Variants in IL36A observed in about 807,000 individuals in gnomAD.
IL36A encodes interleukin 36 alpha.
A neutral mutation model predicts 12.7 loss-of-function variants in IL36A; 13 were observed. The ratio of observed to expected loss-of-function variants is 1.02; its 90% CI spans 0.67 to 1.63. IL36A has a LOEUF of 1.63. IL36A is among the 40% of genes most tolerant of loss of function. IL36A has a pLI of 0.00. For synonymous variants in IL36A, 73 were observed against 71.9 expected, an observed-to-expected ratio of 1.01 and a Z score of -0.08; for missense variants, 195 against 192.9, an observed-to-expected ratio of 1.01 and a Z score of -0.07.
rs1684599819 is a variant in IL36A, at chr2:113,005,729, G to A, written c.-143G>A. 2.4e-6 allele frequency: 2 copies of A among 847,000 alleles called. No individual in the cohort carries two copies. The highest frequency in any genetic ancestry group is 2.0e-6 in the Non-Finnish European group (1 of 492,900). The allele number at this position is 847,000 out of a possible 1,614,324, so 52.5% of individuals were successfully genotyped here. ...AGTTCTGGGAGTATAGATTCTGACTGGGGTCACTGCTGGGCTGGCCGCCAG... is the reference window on the plus strand; with the variant it reads ...AGTTCTGGGAGTATAGATTCTGACTAGGGTCACTGCTGGGCTGGCCGCCAG... On this transcript the variant is annotated 5_prime_UTR_variant, in exon 1 of 4. Transcript: ENST00000259211.
At chr2:113,007,066 C>A (rs946660972) in intron 3 of IL36A, among the ~76,000 whole-genome samples, 1 of 151,976 alleles carries the variant, frequency 6.6e-6, no homozygotes, top group Non-Finnish European at 1.5e-5. Flanking sequence ...ATCTTTTTGG[C>A]AAAAAATACA....
At chr2:113,010,153 C>A (rs983971177), downstream of IL36A, among the ~76,000 whole-genome samples, 1 of 152,162 alleles carries the variant, frequency 6.6e-6, no homozygotes, top group Admixed American at 6.5e-5. Context: ...TTTTACTTGT[C>A]CCTAAGCTTT....
In IL36A at chr2:113,007,938, C is replaced by G. The variant is rs1684660840; in HGVS notation, c.371C>G (p.Pro124Arg). 1 of 1,614,094 alleles carries G rather than the reference C, an allele frequency of 6.2e-7. No homozygotes were observed. Among genetic ancestry groups the G allele is most frequent in the Non-Finnish European group, 8.5e-7 (1 of 1,180,034 alleles). ...TCCACCTTCGAGTCTGTGGCTTTCC[C>G]TGGCTGGTTCATCGCTGTCAGCTCT... ...RNSTFESVAF[P>R]GWFIAVSSEG... Residue 124 changes from proline (P) to arginine (R), a missense_variant, in exon 4 of 4, where the codon CCT (proline) becomes CGT (arginine). By Grantham distance (103) the Pro-to-Arg change is moderately radical (BLOSUM62 -2). Coordinates refer to ENST00000259211, the MANE Select transcript of IL36A (RefSeq NM_014440.3).
At chr2:113,009,160 T>G (rs1481594954), downstream of IL36A, among the ~76,000 whole-genome samples, 1 of 151,988 alleles carries the variant, frequency 6.6e-6, no homozygotes, top group Admixed American at 6.5e-5. Flanking sequence ...TCATCATTTT[T>G]TATGGCTGCT....
chr2:113,008,722 C>T (rs75207029), downstream of IL36A, among the ~76,000 whole-genome samples: 3,581 of 152,068 alleles, frequency 0.024, 155 homozygotes, highest in African/African-American at 0.082. Flanking sequence ...AACTGCGCCA[C>T]TCCTGGGCTT....
At chr2:113,006,137 T>G in intron 2 of IL36A, 50 bp downstream of exon 2, 1 of 1,172,730 alleles carries the variant, frequency 8.5e-7, no homozygotes, top group Non-Finnish European at 1.3e-6. Flanking sequence ...AGTGCTGTTG[T>G]GTGTTTGGTG....
chr2:113,008,688 T>C (rs1464166999), downstream of IL36A: 1 of 155,200 alleles, frequency 6.4e-6, no homozygotes, highest in Non-Finnish European at 1.5e-5. Context: ...AAATGTTCCA[T>C]CAGAAAGAGG....
At chr2:113,010,336 G>A (rs183493800), downstream of IL36A, among the ~76,000 whole-genome samples, 2 of 152,232 alleles carry the variant, frequency 1.3e-5, no homozygotes, top group African/African-American at 4.8e-5. Flanking sequence ...AGCACTCCCC[G>A]AGCTTTTCAT....
chr2:113,006,597 G>A lies in IL36A; in HGVS notation c.125-1G>A, dbSNP rs372873114. On this transcript the variant is annotated splice_acceptor_variant, in intron 2 of 3. Transcript: ENST00000259211. LOFTEE classifies it high-confidence loss of function. ...CACCACTTTTCACATCGTGTTCCCA[G>A]TCACTATTGCCTTAATCTCATGCCG... 6.2e-6 allele frequency: 10 copies of A among 1,613,826 alleles called. No homozygotes were observed. In the African/African-American group the frequency reaches 1.1e-4, roughly 17 times the overall value.
Position 113,005,492 on chromosome 2 carries a change from T to C in IL36A, c.-380T>C. Reference sequence around the variant, plus strand: ...CAAGTGCAGTAGAAGCCATTGTTCATAATGGTAGGGATACAGGGTCCTTCG... The same window carrying C: ...CAAGTGCAGTAGAAGCCATTGTTCACAATGGTAGGGATACAGGGTCCTTCG... On this transcript the variant is annotated 5_prime_UTR_variant, in exon 1 of 4. Coordinates refer to ENST00000259211, the MANE Select transcript of IL36A (RefSeq NM_014440.3). The C allele has an allele frequency of 3.2e-6, 1 of 308,152 alleles. No homozygotes were observed. 19.1% of individuals were successfully genotyped at this position (308,152 alleles called of 1,614,324 possible).
downstream of IL36A, among the ~76,000 whole-genome samples, chr2:113,010,033 TAA>T (rs145504100): frequency 5.0e-3 from 767 of 152,316 alleles, 3 homozygotes; most frequent in Middle Eastern, 0.014. Flanking sequence ...TATTTTGAAA[TAA>T]GTTTTCTTCT....
chr2:113,010,498 T>C (rs553580584), downstream of IL36A, among the ~76,000 whole-genome samples: 12 of 152,198 alleles, frequency 7.9e-5, no homozygotes, highest in African/African-American at 2.7e-4. Flanking sequence ...CTGAGATGTA[T>C]GGACCAGCTG....
At position 113,005,553 on chromosome 2, in the gene IL36A, T is replaced by G. The variant is rs1684596720; in HGVS notation, c.-319T>G. ...TCAGTGTGGCCTATGCTGGAAAGTC[T>G]GGTGACCTCTGATTTTTTTTGCTTC... is the stretch of plus-strand genomic sequence containing the variant. On this transcript the variant is annotated 5_prime_UTR_variant, in exon 1 of 4. Coordinates refer to ENST00000259211, the MANE Select transcript of IL36A (RefSeq NM_014440.3). The G allele has an allele frequency of 4.0e-6, 2 of 494,272 alleles. No individual in the cohort carries two copies. Among genetic ancestry groups the G allele is most frequent in the Admixed American group, 6.7e-5 (2 of 29,886 alleles). 30.6% of individuals were successfully genotyped at this position (494,272 alleles called of 1,614,324 possible).
chr2:113,008,818 A>T (rs13394409), downstream of IL36A, among the ~76,000 whole-genome samples: 115,318 of 148,872 alleles, frequency 0.77, 44,973 homozygotes, highest in East Asian at 0.99. Context: ...TTTTTTTTTT[A>T]AAAATTTTAT....
chr2:113,009,969 G>A (rs913455282), downstream of IL36A, among the ~76,000 whole-genome samples: 2 of 151,962 alleles, frequency 1.3e-5, no homozygotes, highest in Non-Finnish European at 2.9e-5. Context: ...CTCTTATTTT[G>A]AAGACTTCTT....
rs981555967 is a variant in IL36A, at chr2:113,005,792, C to T, written c.-80C>T. 6.6e-7 allele frequency: 1 copy of T among 1,514,822 alleles called. No homozygotes were observed. The highest frequency in any genetic ancestry group is 9.2e-7 in the Non-Finnish European group (1 of 1,089,706). The allele number at this position is 1,514,822 out of a possible 1,614,324, so 93.8% of individuals were successfully genotyped here. On this transcript the variant is annotated 5_prime_UTR_variant, in exon 1 of 4. Transcript: ENST00000259211. ...CCCAGGGTTAAACTGTGGCTTGGGA[C>T]TGACTCAGGTCCTCTCTTGGGGTCG...
intron 3 of IL36A, among the ~76,000 whole-genome samples, chr2:113,007,176 T>A (rs1451822811): frequency 2.0e-5 from 3 of 152,256 alleles, no homozygotes; most frequent in African/African-American, 7.2e-5. Flanking sequence ...GGCCTCTGTG[T>A]ACTACAGGAA....
At chr2:113,006,987 C>T (rs2105027360) in intron 3 of IL36A, among the ~76,000 whole-genome samples, 1 of 152,266 alleles carries the variant, frequency 6.6e-6, no homozygotes, top group South Asian at 2.1e-4. Flanking sequence ...ATAGAACACA[C>T]ACACAGAGTA....
Position 113,005,541 on chromosome 2 carries a change from T to C in IL36A, c.-331T>C. ...CGTAACAGATTATCAGTGTGGCCTA[T>C]GCTGGAAAGTCTGGTGACCTCTGAT... On this transcript the variant is annotated 5_prime_UTR_variant, in exon 1 of 4. The change abolishes an upstream ATG in the 5' untranslated region. Transcript: ENST00000259211. The C allele has an allele frequency of 2.1e-6, 1 of 468,912 alleles. No individual in the cohort carries two copies. The allele number at this position is 468,912 out of a possible 1,614,324, so 29.0% of individuals were successfully genotyped here. A position where few individuals can be genotyped will look rare whatever the true frequency, so the allele number is the denominator to read the frequency against.
Sources: gnomAD v4.1 joint callset for allele counts (sites outside exome capture counted in the v4.1 genomes callset) on GRCh38, gnomAD v4.1.1 for gene constraint, MANE v1.5 for transcripts, NCBI Gene and HGNC (gene_info 2026-07-23, HGNC 2026-07-21) for gene names.